ZNF469: variants seen among roughly 807,000 people sequenced by gnomAD.
ZNF469 encodes zinc finger protein 469.
A neutral mutation model predicts 1.0 loss-of-function variants in ZNF469; 1 was observed. The observed-to-expected ratio is 1.00, with a 90% CI of 0.35 to 4.73. The LOEUF (loss-of-function observed/expected upper bound fraction) is 4.73, where lower values mean the gene tolerates loss of function less well. ZNF469 is among the 30% of genes most tolerant of loss of function. The pLI, the probability that ZNF469 is intolerant of heterozygous loss-of-function variation, is 0.16. For synonymous variants in ZNF469, 2,703 were observed against 2,363.4 expected (o/e 1.14, Z -4.17); for missense variants, 6,100 against 5,356.3 (o/e 1.14, Z -4.33).
rs1296611195 is a variant in ZNF469 at position 88,428,385 on chromosome 16, C to G, written c.915C>G (p.Ala305=). 3 of 1,548,556 alleles carry G rather than the reference C, an allele frequency of 1.9e-6. No homozygotes were observed. The highest frequency in any genetic ancestry group is 2.0e-5 in the Admixed American group (1 of 51,002). Residue 305 remains alanine (A), a synonymous_variant, in exon 3 of 3, where the codon GCC becomes GCG. Coordinates refer to ENST00000565624, the MANE Select transcript of ZNF469 (RefSeq NM_001367624.2). ...TCACCAATGGGCCACTGGTGTTTGC[C>G]TTCCATCAGCCCCAGGGAGCGTGGC... ...HAFTNGPLVF[A]FHQPQGAWPE...
the ZNF469 span, among the ~76,000 whole-genome samples, chr16:88,276,851 C>A: frequency 6.6e-6 from 1 of 152,116 alleles, no homozygotes; most frequent in Non-Finnish European, 1.5e-5. Flanking sequence ...GTGTAGATAT[C>A]ATTAGTGCTG....
chr16:88,209,308 TG>T, the ZNF469 span, among the ~76,000 whole-genome samples: 2 of 151,994 alleles, frequency 1.3e-5, no homozygotes, highest in Non-Finnish European at 2.9e-5. Context: ...TTTTTTCTTT[TG>T]AGATGGAGTC....
chr16:88,401,375 C>T (rs1011795631), intron 1 of ZNF469, among the ~76,000 whole-genome samples: 2 of 142,966 alleles, frequency 1.4e-5, no homozygotes, highest in African/African-American at 5.4e-5. Flanking sequence ...AAGCCGAGGG[C>T]TAGAATAGAG....
At chr16:88,112,976 C>T in the ZNF469 span, among the ~76,000 whole-genome samples, 1 of 152,000 alleles carries the variant, frequency 6.6e-6, no homozygotes, top group Non-Finnish European at 1.5e-5. Flanking sequence ...GACGGGGTTT[C>T]ACCGTGTTAG....
At chr16:88,198,308 G>A in the ZNF469 span, among the ~76,000 whole-genome samples, 28 of 152,298 alleles carry the variant, frequency 1.8e-4, no homozygotes, top group Non-Finnish European at 3.4e-4. Context: ...CCTCCCCAGC[G>A]GGGGACTTTG....
At chr16:88,282,723 G>T in the ZNF469 span, among the ~76,000 whole-genome samples, 1 of 152,214 alleles carries the variant, frequency 6.6e-6, no homozygotes. Flanking sequence ...ACTGTCAATT[G>T]TCAGCACGTC....
the ZNF469 span, among the ~76,000 whole-genome samples, chr16:88,311,793 A>G: frequency 1.3e-5 from 2 of 152,240 alleles, no homozygotes; most frequent in African/African-American, 4.8e-5. Flanking sequence ...GTCGTTCGCC[A>G]ACAAGGACAT....
At chr16:88,215,381 T>TA in the ZNF469 span, among the ~76,000 whole-genome samples, 6 of 92,816 alleles carry the variant, frequency 6.5e-5, no homozygotes, top group South Asian at 2.6e-3. Flanking sequence ...TCTTGCCTTT[T>TA]AATTTTTTTT....
chr16:88,323,101 A>G, the ZNF469 span, among the ~76,000 whole-genome samples: 74,042 of 151,768 alleles, frequency 0.49, 18,338 homozygotes, highest in Middle Eastern at 0.57. Flanking sequence ...AAGTGGGGGC[A>G]GTGATCCCAC....
chr16:88,411,388 G>A (rs996027739), intron 1 of ZNF469, among the ~76,000 whole-genome samples: 13 of 152,168 alleles, frequency 8.5e-5, no homozygotes, highest in African/African-American at 3.1e-4. Flanking sequence ...AGGGGTGGTG[G>A]GGCAGCAGGG....
At chr16:88,368,358 G>T in the ZNF469 span, among the ~76,000 whole-genome samples, 1 of 152,258 alleles carries the variant, frequency 6.6e-6, no homozygotes, top group African/African-American at 2.4e-5. Flanking sequence ...AGAGAACTCA[G>T]CTCTGATGGA....
the ZNF469 span, among the ~76,000 whole-genome samples, chr16:88,368,478 G>A: frequency 6.6e-6 from 1 of 152,342 alleles, no homozygotes; most frequent in East Asian, 1.9e-4. Flanking sequence ...GTCTCTGAGA[G>A]CAGAGCTTGG....
At chr16:88,330,124 C>T in the ZNF469 span, among the ~76,000 whole-genome samples, 2 of 152,236 alleles carry the variant, frequency 1.3e-5, no homozygotes, top group South Asian at 2.1e-4. Context: ...TCGGTTAGAG[C>T]GTTTCTCATT....
At chr16:88,360,957 T>C in the ZNF469 span, among the ~76,000 whole-genome samples, 1 of 152,248 alleles carries the variant, frequency 6.6e-6, no homozygotes, top group African/African-American at 2.4e-5. Flanking sequence ...AGCACATTAC[T>C]TTTATTGTGC....
At chr16:88,411,193 C>T (rs904716854) in intron 1 of ZNF469, among the ~76,000 whole-genome samples, 1 of 152,220 alleles carries the variant, frequency 6.6e-6, no homozygotes, top group African/African-American at 2.4e-5. Flanking sequence ...CCTCACAATT[C>T]CCCACCCTCC....
At chr16:88,354,813 G>A in the ZNF469 span, among the ~76,000 whole-genome samples, 5 of 152,200 alleles carry the variant, frequency 3.3e-5, no homozygotes, top group African/African-American at 9.6e-5. Flanking sequence ...ACCCACCTTG[G>A]TCAGCTTCAA....
At chr16:88,406,321 T>C (rs1200482655) in intron 1 of ZNF469, among the ~76,000 whole-genome samples, 1 of 152,166 alleles carries the variant, frequency 6.6e-6, no homozygotes, top group Non-Finnish European at 1.5e-5. Context: ...GCTGTGTGTG[T>C]GGAATGTGTC....
At chr16:88,173,061 A>G in the ZNF469 span, among the ~76,000 whole-genome samples, 6 of 152,244 alleles carry the variant, frequency 3.9e-5, no homozygotes, top group Non-Finnish European at 8.8e-5. Flanking sequence ...TGAAGAAATA[A>G]TGGCCAAACG....
At chr16:88,212,553 C>A in the ZNF469 span, among the ~76,000 whole-genome samples, 3 of 152,082 alleles carry the variant, frequency 2.0e-5, no homozygotes, top group Admixed American at 6.5e-5. Flanking sequence ...CTCTTTCTTT[C>A]TTTCCTTCTT....
Sources: allele counts gnomAD v4.1 joint callset (sites outside exome capture counted in the v4.1 genomes callset), GRCh38; gene constraint gnomAD v4.1.1; transcripts MANE v1.5; gene names NCBI Gene and HGNC (gene_info 2026-07-23, HGNC 2026-07-21).